FAM13A: variants seen among roughly 807,000 people sequenced by gnomAD.
The protein encoded by FAM13A is family with sequence similarity 13 member A.
Under a neutral mutation model 129.6 loss-of-function variants are expected in FAM13A, and 76 were observed. That is an observed-to-expected ratio of 0.59 (90% CI 0.49 to 0.71). The LOEUF (loss-of-function observed/expected upper bound fraction) is 0.71. Ranked by LOEUF, FAM13A falls within the 30% of genes least tolerant of loss-of-function variation. FAM13A has a pLI of 0.00. For missense variants in FAM13A, 1,108 were observed against 1,249.3 expected (o/e 0.89, Z 1.70); for synonymous variants, 443 against 449.9 (o/e 0.98, Z 0.20).
At chr4:88,802,517 TA>T (rs1282670608) in intron 8 of FAM13A, among the ~76,000 whole-genome samples, 1 of 152,214 alleles carries the variant, frequency 6.6e-6, no homozygotes, top group African/African-American at 2.4e-5. Flanking sequence ...ATAACAGCCC[TA>T]CCATATTACA....
chr4:88,909,859 C>T (rs1465308811), intron 5 of FAM13A, among the ~76,000 whole-genome samples: 1 of 152,148 alleles, frequency 6.6e-6, no homozygotes, highest in African/African-American at 2.4e-5. Flanking sequence ...TGTGAACACA[C>T]ACAAAGCCAT....
intron 8 of FAM13A, among the ~76,000 whole-genome samples, chr4:88,798,197 T>C (rs1726636741): frequency 6.6e-6 from 1 of 152,212 alleles, no homozygotes. Context: ...TTGGTCCAAT[T>C]TTATGATTAT....
chr4:89,016,890 T>G (rs1408896472), intron 3 of FAM13A, among the ~76,000 whole-genome samples: 1 of 152,108 alleles, frequency 6.6e-6, no homozygotes, highest in Non-Finnish European at 1.5e-5. Flanking sequence ...CCACCTCAGC[T>G]CCCAAAAGTG....
chr4:88,996,966 G>T (rs1270385146), intron 3 of FAM13A, among the ~76,000 whole-genome samples: 1 of 152,120 alleles, frequency 6.6e-6, no homozygotes, highest in Non-Finnish European at 1.5e-5. Context: ...AAGAAATGTG[G>T]AATAATTTAG....
chr4:88,748,959 T>G lies in FAM13A; in HGVS notation c.2154A>C (p.Gln718His). 6.2e-7 allele frequency: 1 copy of G among 1,612,838 alleles called. No homozygotes were observed. The highest frequency in any genetic ancestry group is 8.5e-7 in the Non-Finnish European group (1 of 1,178,836). ...WTNDLAKFRR[Q>H]LKESKLKISE... Reference sequence around the variant, plus strand: ...CTCCAGAATTTTACCCACCTTTAAGTTGTCTCCGGAATTTGGCAAGGTCAT... The same window carrying G: ...CTCCAGAATTTTACCCACCTTTAAGGTGTCTCCGGAATTTGGCAAGGTCAT... Residue 718 changes from glutamine (Q) to histidine (H), a missense_variant, in exon 17 of 24, where the codon CAA becomes CAC. Around this residue, in one of 3 missense-constraint regions of FAM13A, gnomAD observed 529 missense variants for 621.2 expected, o/e 0.85. Coordinates refer to ENST00000264344, the MANE Select transcript of FAM13A (RefSeq NM_014883.4).
At chr4:89,029,937 G>T (rs2149130651) in intron 1 of FAM13A, 2 of 338,050 alleles carry the variant, frequency 5.9e-6, no homozygotes, top group Non-Finnish European at 1.1e-5. Context: ...TAACCAAGGG[G>T]TGTGACCCAG....
chr4:88,848,594 G>A (rs750296350), intron 7 of FAM13A, among the ~76,000 whole-genome samples: 8 of 152,242 alleles, frequency 5.3e-5, no homozygotes, highest in South Asian at 2.1e-4. Context: ...CAATGACTTC[G>A]GGAAGGCTCT....
intron 3 of FAM13A, among the ~76,000 whole-genome samples, chr4:89,015,303 G>A (rs1025631918): frequency 3.3e-5 from 5 of 152,122 alleles, no homozygotes; most frequent in South Asian, 2.1e-4. Flanking sequence ...GGTGAAGCAC[G>A]TGATCTCTGT....
intron 4 of FAM13A, chr4:88,990,060 C>T (rs1472727636): frequency 6.6e-6 from 1 of 152,068 alleles, no homozygotes; most frequent in African/African-American, 2.4e-5. Flanking sequence ...CTATGAAATG[C>T]CATTACTTAA....
intron 6 of FAM13A, among the ~76,000 whole-genome samples, chr4:88,902,104 G>C (rs1236429758): frequency 6.6e-6 from 1 of 152,026 alleles, no homozygotes; most frequent in Non-Finnish European, 1.5e-5. Context: ...CTGAAATTGA[G>C]GAAGTAAGAA....
At chr4:88,931,712 C>T (rs1370534102) in intron 5 of FAM13A, among the ~76,000 whole-genome samples, 1 of 152,040 alleles carries the variant, frequency 6.6e-6, no homozygotes, top group Non-Finnish European at 1.5e-5. Flanking sequence ...CTTTTTTTAA[C>T]CTCCAAATTC....
intron 2 of FAM13A, among the ~76,000 whole-genome samples, chr4:89,024,045 T>C (rs941815476): frequency 2.0e-5 from 3 of 152,212 alleles, no homozygotes; most frequent in African/African-American, 7.2e-5. Flanking sequence ...AGCAACTTAA[T>C]AGTGGTTTAG....
At chr4:88,969,413 G>A (rs1248954565) in intron 4 of FAM13A, among the ~76,000 whole-genome samples, 1 of 152,124 alleles carries the variant, frequency 6.6e-6, no homozygotes, top group African/African-American at 2.4e-5. Context: ...CCTAGGTGAT[G>A]AATGCAAGCA....
intron 4 of FAM13A, among the ~76,000 whole-genome samples, chr4:88,962,537 G>A (rs190904793): frequency 1.3e-5 from 2 of 152,146 alleles, no homozygotes; most frequent in Non-Finnish European, 2.9e-5. Context: ...TCAGCTGCAG[G>A]GAGGCTCCAG....
intron 5 of FAM13A, among the ~76,000 whole-genome samples, chr4:88,930,756 T>C (rs1221728429): frequency 1.3e-5 from 2 of 151,976 alleles, no homozygotes; most frequent in Non-Finnish European, 2.9e-5. Flanking sequence ...ACTGAAGTGG[T>C]ATGGGTGATG....
At chr4:88,897,579 T>G (rs1746570488) in intron 6 of FAM13A, among the ~76,000 whole-genome samples, 1 of 152,132 alleles carries the variant, frequency 6.6e-6, no homozygotes, top group East Asian at 1.9e-4. Flanking sequence ...CTAGCCCATA[T>G]AGGGATCAGA....
chr4:88,776,975 A>C (rs1264649126), intron 11 of FAM13A, among the ~76,000 whole-genome samples: 1 of 133,160 alleles, frequency 7.5e-6, no homozygotes, highest in African/African-American at 2.7e-5. Context: ...CTCCATCTCA[A>C]ACAAACAAAC....
At chr4:89,000,820 G>C (rs1003943761) in intron 3 of FAM13A, among the ~76,000 whole-genome samples, 6 of 152,220 alleles carry the variant, frequency 3.9e-5, no homozygotes, top group African/African-American at 4.8e-5. Flanking sequence ...AAAGATGAGT[G>C]TACCTACTTC....
rs113332030 is a variant in FAM13A, at chr4:89,006,143, AG to A, written c.427+14316del. 1.0e-2 allele frequency among the ~76,000 whole-genome samples: 1,521 copies of A among 152,328 alleles called. 33 individuals are homozygous for A. The highest frequency in any genetic ancestry group is 0.034 in the African/African-American group (1,428 of 41,568). On this transcript the variant is annotated intron_variant, in intron 3 of 23. Transcript: ENST00000264344. ...CTGAATATGGCTAGCCAGCTATCCC[AG>A]CATCATTTATTGAATAAGGAGTCTC...
Sources: allele counts gnomAD v4.1 joint callset (sites outside exome capture counted in the v4.1 genomes callset), GRCh38; gene constraint gnomAD v4.1.1; regional missense constraint gnomAD v4.1.1; transcripts MANE v1.5; gene names NCBI Gene and HGNC (gene_info 2026-07-23, HGNC 2026-07-21).